The following PFKFB3 variants were observed in gnomAD, a reference collection of about 807,000 sequenced individuals.
The protein encoded by PFKFB3 is 6-phosphofructo-2-kinase/fructose-2,6-biphosphatase 3, also known as 6-phosphofructo-2-kinase/fructose-2,6-bisphosphatase 3.
In PFKFB3, 33 loss-of-function variants were observed where a neutral mutation model predicts 68.0. The observed-to-expected ratio is 0.49, with a 90% CI of 0.37 to 0.65. The LOEUF is 0.65. Among genes scored for constraint, PFKFB3 ranks in the 30% least tolerant of loss-of-function variants. The pLI is 0.00. For synonymous variants in PFKFB3, 315 were observed against 288.2 expected, an observed-to-expected ratio of 1.09 and a Z score of -0.94; for missense variants, 586 against 712.2, an observed-to-expected ratio of 0.82 and a Z score of 2.02.
chr10:6,267,177 A>T, the PFKFB3 span, among the ~76,000 whole-genome samples: 9 of 152,268 alleles, frequency 5.9e-5, no homozygotes, highest in Non-Finnish European at 1.0e-4. Context: ...GGTTCACCAC[A>T]ATCACACAAC....
intron 1 of PFKFB3, among the ~76,000 whole-genome samples, chr10:6,163,485 G>A (rs569081808): frequency 1.9e-3 from 287 of 152,246 alleles, no homozygotes; most frequent in African/African-American, 5.2e-3. Context: ...TGCTGAGGGC[G>A]GTAAGACAGG....
At chr10:6,146,597 C>T in intron 1 of PFKFB3, 1 of 1,174,422 alleles carries the variant, frequency 8.5e-7, no homozygotes, top group Non-Finnish European at 1.2e-6. Context: ...TTATCTCTGA[C>T]TTCATCGCTT....
the PFKFB3 span, among the ~76,000 whole-genome samples, chr10:6,298,671 C>T: frequency 6.6e-6 from 1 of 152,122 alleles, no homozygotes; most frequent in Non-Finnish European, 1.5e-5. Context: ...TGGCCTTGTT[C>T]AGTGCATTTT....
intron 1 of PFKFB3, among the ~76,000 whole-genome samples, chr10:6,156,337 G>A (rs1417385549): frequency 1.3e-5 from 2 of 151,412 alleles, no homozygotes; most frequent in Admixed American, 1.3e-4. Flanking sequence ...CAAACTTTTT[G>A]TGGAGACAAA....
At chr10:6,286,833 G>A in the PFKFB3 span, among the ~76,000 whole-genome samples, 1 of 151,722 alleles carries the variant, frequency 6.6e-6, no homozygotes, top group Non-Finnish European at 1.5e-5. Context: ...TGCATTATCT[G>A]GTTTTAATTG....
the PFKFB3 span, among the ~76,000 whole-genome samples, chr10:6,260,918 G>A: frequency 1.3e-5 from 2 of 152,224 alleles, no homozygotes; most frequent in Non-Finnish European, 2.9e-5. Flanking sequence ...CATTGGATAT[G>A]TAAATGGGAG....
At position 6,215,413 on chromosome 10, in the gene PFKFB3, G is replaced by T. The variant is rs531290942; in HGVS notation, c.299+96G>T. ...GCAGGAGTAAGGCTGGGCCGCGGGC[G>T]TAGGGCTGGGCTGTGGGAATAAGGC... is the stretch of plus-strand genomic sequence containing the variant. On this transcript the variant is annotated intron_variant, in intron 3 of 14. Coordinates refer to ENST00000379775, the MANE Select transcript of PFKFB3 (RefSeq NM_004566.4). This position sits in a 1 kb window ranked among gnomAD's most constrained non-coding sequence, Gnocchi z 4.3. 7 of 879,414 alleles carry T rather than the reference G, an allele frequency of 8.0e-6. No homozygotes were observed. Among genetic ancestry groups the T allele is most frequent in the African/African-American group, 1.7e-5 (1 of 59,986 alleles). 54.5% of individuals were successfully genotyped at this position (879,414 alleles called of 1,614,324 possible).
chr10:6,176,302 G>A (rs923245149), intron 1 of PFKFB3, among the ~76,000 whole-genome samples: 2 of 152,184 alleles, frequency 1.3e-5, no homozygotes, highest in African/African-American at 2.4e-5. Flanking sequence ...GAGGGGGCAC[G>A]GGGGTTTCTG....
chr10:6,297,442 C>T, the PFKFB3 span, among the ~76,000 whole-genome samples: 1 of 152,038 alleles, frequency 6.6e-6, no homozygotes, highest in Non-Finnish European at 1.5e-5. Context: ...AGCAGGGCTG[C>T]TTCAGAGCCC....
the PFKFB3 span, among the ~76,000 whole-genome samples, chr10:6,282,182 G>A: frequency 5.9e-5 from 9 of 152,210 alleles, no homozygotes; most frequent in East Asian, 1.5e-3. Context: ...GTGTGCTGGT[G>A]TAAAATCTGT....
the PFKFB3 span, among the ~76,000 whole-genome samples, chr10:6,308,995 C>G: frequency 1.1e-4 from 16 of 152,268 alleles, no homozygotes; most frequent in South Asian, 3.1e-3. Flanking sequence ...TTGGGATGCT[C>G]TACAGGACAA....
chr10:6,303,020 C>T, the PFKFB3 span, among the ~76,000 whole-genome samples: 1 of 152,152 alleles, frequency 6.6e-6, no homozygotes, highest in Admixed American at 6.5e-5. Flanking sequence ...AGAACTCAGG[C>T]CTCCTGTCAT....
chr10:6,200,471 A>C (rs1405181828), upstream of PFKFB3, among the ~76,000 whole-genome samples: 3 of 152,038 alleles, frequency 2.0e-5, no homozygotes, highest in Non-Finnish European at 2.9e-5. Flanking sequence ...ACCAGAATAC[A>C]GTTGCAGTTG....
intron 14 of PFKFB3, among the ~76,000 whole-genome samples, chr10:6,248,323 G>GAA (rs529615694): frequency 5.4e-4 from 82 of 152,166 alleles, no homozygotes; most frequent in Middle Eastern, 6.8e-3. Context: ...CCACTCTACG[G>GAA]AAAGACAGCA....
chr10:6,300,280 A>G, the PFKFB3 span, among the ~76,000 whole-genome samples: 1 of 151,378 alleles, frequency 6.6e-6, no homozygotes, highest in Admixed American at 6.6e-5. Context: ...AAGGCTGAGA[A>G]CTCTTCAAAG....
chr10:6,258,259 T>C (rs10752260), downstream of PFKFB3, among the ~76,000 whole-genome samples: 148,841 of 152,328 alleles, frequency 0.98, 72,836 homozygotes, highest in East Asian at 1. Context: ...CCCAACTCTT[T>C]ATTGTGTTAC....
In PFKFB3 at chr10:6,229,976, G is replaced by C. The variant is rs1008577237; in HGVS notation, c.1516-2919G>C. On this transcript the variant is annotated intron_variant, in intron 14 of 14. Transcript: ENST00000379775. This position sits in a 1 kb window ranked among gnomAD's most constrained non-coding sequence, Gnocchi z 4.3. ...TGCTGTGTGGCCCGCCTCTCAGTGG[G>C]CTATGGACTGGGTACTGGTCCACAG... Among the ~76,000 whole-genome samples the C allele has an allele frequency of 6.6e-6, 1 of 152,076 alleles. No individual in the cohort carries two copies. The highest frequency in any genetic ancestry group is 6.5e-5 in the Admixed American group (1 of 15,274).
chr10:6,224,097 G>T (rs1027590729), intron 12 of PFKFB3, 52 bp from the exon 13 acceptor site: 2 of 1,612,188 alleles, frequency 1.2e-6, no homozygotes, highest in Admixed American at 3.3e-5. Context: ...GGCTGTAAGC[G>T]GTGCTGTCCC....
chr10:6,217,992 A>G (rs1844703128), intron 6 of PFKFB3, among the ~76,000 whole-genome samples: 2 of 152,194 alleles, frequency 1.3e-5, no homozygotes, highest in Non-Finnish European at 2.9e-5. Context: ...TATCTTCCCC[A>G]AGGTGGTGGA....
Sources: allele counts gnomAD v4.1 joint callset (sites outside exome capture counted in the v4.1 genomes callset), GRCh38; gene constraint gnomAD v4.1.1; non-coding constraint Gnocchi (gnomAD v3.1); transcripts MANE v1.5; gene names NCBI Gene and HGNC (gene_info 2026-07-23, HGNC 2026-07-21).